MARCHF8: variants seen among roughly 807,000 people sequenced by gnomAD.
MARCHF8 encodes membrane associated ring-CH-type finger 8.
Under a neutral mutation model 51.6 loss-of-function variants are expected in MARCHF8, and 40 were observed. The ratio of observed to expected loss-of-function variants is 0.77; its 90% CI spans 0.60 to 1.01. The LOEUF is 1.01. Ranked by LOEUF, MARCHF8 falls within the 50% of genes least tolerant of loss-of-function variation. The pLI is 0.00. For missense variants in MARCHF8, 685 were observed against 708.6 expected (o/e 0.97, Z 0.38); for synonymous variants, 263 against 280.3 (o/e 0.94, Z 0.62).
intron 1 of MARCHF8, among the ~76,000 whole-genome samples, chr10:45,567,035 G>T (rs1310333991): frequency 6.6e-6 from 1 of 152,130 alleles, no homozygotes; most frequent in Non-Finnish European, 1.5e-5. Flanking sequence ...GATTGATGTT[G>T]AGCACCTTTT....
intron 2 of MARCHF8, among the ~76,000 whole-genome samples, chr10:45,497,110 G>A (rs1297503396): frequency 1.3e-5 from 2 of 151,902 alleles, no homozygotes; most frequent in Non-Finnish European, 2.9e-5. Flanking sequence ...CAGGATTACA[G>A]TAAAAGAAGC....
intron 3 of MARCHF8, among the ~76,000 whole-genome samples, chr10:45,470,634 T>C (rs1038542529): frequency 6.6e-6 from 1 of 152,192 alleles, no homozygotes; most frequent in South Asian, 2.1e-4. Context: ...GGGGCCGTTT[T>C]AGAAATCTTG....
chr10:45,516,852 C>T (rs931142123), intron 2 of MARCHF8, among the ~76,000 whole-genome samples: 1 of 152,202 alleles, frequency 6.6e-6, no homozygotes, highest in Non-Finnish European at 1.5e-5. Flanking sequence ...CCAACCCAAT[C>T]CAGAGCCTCA....
chr10:45,550,033 C>T (rs1057303478), intron 1 of MARCHF8, among the ~76,000 whole-genome samples: 1 of 152,178 alleles, frequency 6.6e-6, no homozygotes, highest in African/African-American at 2.4e-5. Flanking sequence ...ACAGGCAGAG[C>T]TGGGAGCGGG....
intron 7 of MARCHF8, among the ~76,000 whole-genome samples, chr10:45,458,900 G>A (rs1375714301): frequency 6.6e-6 from 1 of 152,216 alleles, no homozygotes; most frequent in Non-Finnish European, 1.5e-5. Context: ...GATGTAGTTT[G>A]CGGAGATTCT....
At chr10:45,566,372 T>C (rs569727265) in intron 1 of MARCHF8, among the ~76,000 whole-genome samples, 8 of 152,266 alleles carry the variant, frequency 5.3e-5, no homozygotes, top group African/African-American at 1.9e-4. Flanking sequence ...TCTTATCCAT[T>C]CTATTTTTTT....
Position 45,578,830 on chromosome 10 carries a change from TA to T in MARCHF8, c.-79+15404del, listed in dbSNP as rs1007111952. ...TAACCATGAGGAAATTTCAGACAAGTAAAAAGTGAGGGACATTCTAAAAAAA... is the reference window on the plus strand; with the variant it reads ...TAACCATGAGGAAATTTCAGACAAGTAAAAGTGAGGGACATTCTAAAAAAA... On this transcript the variant is annotated intron_variant, in intron 1 of 6. Coordinates refer to the MARCHF8 transcript ENST00000319836. Among the ~76,000 whole-genome samples, 202 of 152,270 alleles carry T rather than the reference TA, an allele frequency of 1.3e-3. 2 individuals carry two copies. The highest frequency in any genetic ancestry group is 5.0e-3 in the South Asian group (24 of 4,824).
chr10:45,479,186 C>T (rs1176818258), intron 3 of MARCHF8, among the ~76,000 whole-genome samples: 2 of 152,174 alleles, frequency 1.3e-5, no homozygotes, highest in Non-Finnish European at 2.9e-5. Context: ...AAGGGTCTTT[C>T]ATCACATGCA....
intron 2 of MARCHF8, among the ~76,000 whole-genome samples, chr10:45,490,062 T>C (rs1392947308): frequency 6.6e-6 from 1 of 152,196 alleles, no homozygotes; most frequent in Non-Finnish European, 1.5e-5. Context: ...CACAACTCAT[T>C]TTCATTTTTA....
At chr10:45,576,987 A>AG (rs1238476943) in intron 1 of MARCHF8, among the ~76,000 whole-genome samples, 4 of 139,758 alleles carry the variant, frequency 2.9e-5, no homozygotes, top group Non-Finnish European at 3.2e-5. Flanking sequence ...AAAAAAAAAA[A>AG]AAAGAAACTT....
Position 45,457,775 on chromosome 10 carries a change from G to A in MARCHF8, c.*464C>T, listed in dbSNP as rs1842649429. On this transcript the variant is annotated 3_prime_UTR_variant, in exon 8 of 8. Coordinates refer to ENST00000453424, the MANE Select transcript of MARCHF8 (RefSeq NM_001282866.2). ...GGCAGGAGTCTGTGTTTGGGGGTCT[G>A]TTTCAATACCATCTCCTGGGGTTCG... The A allele has an allele frequency of 6.4e-6, 1 of 157,358 alleles. No individual in the cohort carries two copies. Among genetic ancestry groups the A allele is most frequent in the Non-Finnish European group, 1.4e-5 (1 of 71,664 alleles). 9.7% of individuals were successfully genotyped at this position (157,358 alleles called of 1,614,324 possible). A position where few individuals can be genotyped will look rare whatever the true frequency, so the allele number is the denominator to read the frequency against.
At chr10:45,464,968 A>C (rs1308312336) in intron 3 of MARCHF8, among the ~76,000 whole-genome samples, 1 of 152,234 alleles carries the variant, frequency 6.6e-6, no homozygotes, top group East Asian at 1.9e-4. Flanking sequence ...AAAAATAATC[A>C]AGAAAATTTA....
At chr10:45,545,614 A>G (rs1048622828) in intron 1 of MARCHF8, among the ~76,000 whole-genome samples, 2 of 152,248 alleles carry the variant, frequency 1.3e-5, no homozygotes, top group Non-Finnish European at 2.9e-5. Context: ...AAGTATAAGT[A>G]GTTAAGAATT....
At chr10:45,551,256 C>T (rs1042113482) in intron 1 of MARCHF8, among the ~76,000 whole-genome samples, 4 of 152,120 alleles carry the variant, frequency 2.6e-5, no homozygotes, top group Admixed American at 1.3e-4. Flanking sequence ...CCAGGCCCTC[C>T]CTGTGCACAT....
At chr10:45,584,899 T>C (rs2044602223) in intron 1 of MARCHF8, among the ~76,000 whole-genome samples, 1 of 152,144 alleles carries the variant, frequency 6.6e-6, no homozygotes, top group Non-Finnish European at 1.5e-5. Flanking sequence ...AGAACGACCA[T>C]CAGCTAACAT....
At chr10:45,465,942 C>G (rs963063950) in intron 3 of MARCHF8, among the ~76,000 whole-genome samples, 1 of 152,240 alleles carries the variant, frequency 6.6e-6, no homozygotes, top group Non-Finnish European at 1.5e-5. Context: ...CCCATCACTA[C>G]CTTTGTCAAT....
chr10:45,522,903 C>T (rs1019862656), intron 2 of MARCHF8, among the ~76,000 whole-genome samples: 3 of 152,122 alleles, frequency 2.0e-5, no homozygotes, highest in Non-Finnish European at 2.9e-5. Flanking sequence ...AATACCAACA[C>T]GTGGCCCCCC....
intron 1 of MARCHF8, among the ~76,000 whole-genome samples, chr10:45,591,613 A>G (rs2044682137): frequency 6.6e-6 from 1 of 152,198 alleles, no homozygotes; most frequent in Non-Finnish European, 1.5e-5. Flanking sequence ...ACATACTCTT[A>G]TATGCGTGAC....
At chr10:45,580,718 C>T (rs557116742) in intron 1 of MARCHF8, among the ~76,000 whole-genome samples, 2 of 152,282 alleles carry the variant, frequency 1.3e-5, no homozygotes, top group South Asian at 4.1e-4. Context: ...TTGGAGCTTT[C>T]GTTAACAACA....
Sources: gnomAD v4.1 joint callset for allele counts (sites outside exome capture counted in the v4.1 genomes callset) on GRCh38, gnomAD v4.1.1 for gene constraint, MANE v1.5 for transcripts, NCBI Gene and HGNC (gene_info 2026-07-23, HGNC 2026-07-21) for gene names.